The following AQP9 variants were observed in gnomAD, a reference collection of about 807,000 sequenced individuals.
The protein encoded by AQP9 is aquaporin 9.
AQP9 carries 19 observed loss-of-function variants against 23.8 expected under a neutral mutation model. The ratio of observed to expected loss-of-function variants is 0.80; its 90% confidence interval spans 0.56 to 1.17. The LOEUF (loss-of-function observed/expected upper bound fraction) is 1.17, where lower values mean the gene tolerates loss of function less well. Ranked by LOEUF, AQP9 falls within the 50% of genes most tolerant of loss-of-function variation. The pLI is 0.00. For missense variants in AQP9, 413 were observed against 362.0 expected (o/e 1.14, Z -1.14); for synonymous variants, 153 against 131.5 (o/e 1.16, Z -1.12).
intron 1 of AQP9, chr15:58,151,474 CACTA>C (rs1186898562): frequency 6.6e-6 from 1 of 152,056 alleles, no homozygotes; most frequent in Non-Finnish European, 1.5e-5. Flanking sequence ...TCTAACTTCT[CACTA>C]ACTTTCTCCT....
At chr15:58,182,608 C>T (rs550248922) in intron 5 of AQP9, among the ~76,000 whole-genome samples, 2 of 152,264 alleles carry the variant, frequency 1.3e-5, no homozygotes, top group South Asian at 2.1e-4. Context: ...GTCTTTACAG[C>T]CAAACGGGAG....
At chr15:58,144,239 C>A (rs998373172) in intron 1 of AQP9, among the ~76,000 whole-genome samples, 2 of 151,326 alleles carry the variant, frequency 1.3e-5, no homozygotes, top group Admixed American at 6.6e-5. Flanking sequence ...TTTGTGTTTT[C>A]TTATTGAGGT....
chr15:58,180,621 T>C (rs1332669003), intron 5 of AQP9, among the ~76,000 whole-genome samples: 1 of 152,186 alleles, frequency 6.6e-6, no homozygotes, highest in South Asian at 2.1e-4. Context: ...TTCCCTGTCC[T>C]CAAGAAATTG....
At chr15:58,168,127 T>G (rs1214253801) in intron 2 of AQP9, among the ~76,000 whole-genome samples, 2 of 151,720 alleles carry the variant, frequency 1.3e-5, no homozygotes, top group African/African-American at 4.8e-5. Flanking sequence ...GCTCAAACAA[T>G]TCTACCTTCT....
intron 1 of AQP9, among the ~76,000 whole-genome samples, chr15:58,149,496 A>G (rs1470877017): frequency 6.6e-6 from 1 of 152,184 alleles, no homozygotes; most frequent in African/African-American, 2.4e-5. Flanking sequence ...CTAGTTTGTA[A>G]AATGGAGACA....
Position 58,138,603 on chromosome 15 carries a change from A to G in AQP9, c.38A>G (p.Lys13Arg), listed in dbSNP as rs2140577752. 1 of 1,613,954 alleles carries G rather than the reference A, an allele frequency of 6.2e-7. No homozygotes were observed. Reference protein sequence around the residue: ...PEGAEKGKSFKQRLVLKSSLA... With the variant: ...PEGAEKGKSFRQRLVLKSSLA... ...GGAGCAGAAAAGGGAAAAAGCTTCA[A>G]GCAGAGACTGGTCTTGAAGAGCAGC... is the stretch of plus-strand genomic sequence containing the variant. The change falls in exon 1 of 6, where the codon AAG becomes AGG. Residue 13 changes from lysine (K) to arginine (R), a missense_variant. Physicochemically the swap from Lys to Arg is conservative, Grantham distance 26. Transcript: ENST00000219919.
chr15:58,169,372 G>T (rs930346492), intron 2 of AQP9, among the ~76,000 whole-genome samples: 1 of 152,170 alleles, frequency 6.6e-6, no homozygotes, highest in Non-Finnish European at 1.5e-5. Flanking sequence ...GCACAGTTCA[G>T]GCTCCCTAAG....
intron 1 of AQP9, among the ~76,000 whole-genome samples, chr15:58,145,112 A>G (rs1421423637): frequency 6.6e-5 from 10 of 151,668 alleles, no homozygotes; most frequent in African/African-American, 9.7e-5. Flanking sequence ...TTTCCATTTC[A>G]GTAATTTCTG....
Position 58,173,109 on chromosome 15 carries a change from T to C in AQP9, c.280T>C (p.Phe94Leu). The C allele has an allele frequency of 1.2e-6, 2 of 1,614,032 alleles. No individual in the cohort carries two copies. Among genetic ancestry groups the C allele is most frequent in the Admixed American group, 1.7e-5 (1 of 60,032 alleles). ...NPAVSLAMCL[F>L]GRMKWFKLPF... is the part of the protein sequence containing the mutation. ...AGCTGTGTCTTTAGCAATGTGTCTC[T>C]TTGGACGGATGAAATGGTTCAAATT... The change falls in exon 3 of 6, where the codon TTT becomes CTT. Residue 94 changes from phenylalanine to leucine, a missense_variant. Transcript: ENST00000219919.
intron 2 of AQP9, among the ~76,000 whole-genome samples, chr15:58,169,996 A>G (rs1156262385): frequency 6.6e-6 from 1 of 152,072 alleles, no homozygotes; most frequent in Non-Finnish European, 1.5e-5. Flanking sequence ...CTCACCTAAG[A>G]CTTTCATCTT....
chr15:58,181,403 A>G (rs1315706408), intron 5 of AQP9, among the ~76,000 whole-genome samples: 1 of 152,228 alleles, frequency 6.6e-6, no homozygotes, highest in Non-Finnish European at 1.5e-5. Context: ...GTGCCATTAA[A>G]GAGATTTGAC....
chr15:58,143,955 G>A (rs1384076033), intron 1 of AQP9, among the ~76,000 whole-genome samples: 2 of 152,264 alleles, frequency 1.3e-5, no homozygotes, highest in African/African-American at 2.4e-5. Flanking sequence ...TTCCAGTAGC[G>A]ACATGAGTTC....
intron 1 of AQP9, among the ~76,000 whole-genome samples, chr15:58,148,779 G>T (rs142910321): frequency 6.1e-4 from 93 of 152,320 alleles, no homozygotes; most frequent in African/African-American, 2.2e-3. Flanking sequence ...AGTAGAGATA[G>T]TGGAGTTCAA....
At position 58,173,177 on chromosome 15, in the gene AQP9, G is replaced by C. The variant is rs1386636134; in HGVS notation, c.348G>C (p.Gly116=). 3 of 1,614,086 alleles carry C rather than the reference G, an allele frequency of 1.9e-6. No homozygotes were observed. Among genetic ancestry groups the C allele is most frequent in the African/African-American group, 1.3e-5 (1 of 75,020 alleles). Residue 116 remains glycine (G), a synonymous_variant, in exon 3 of 6, where the codon GGG becomes GGC. Coordinates refer to ENST00000219919, the MANE Select transcript of AQP9 (RefSeq NM_020980.5). The part of the protein sequence containing the change: ...VGAQFLGAFV[G]AATVFGIYYD... ...CCCAGTTCTTGGGAGCCTTTGTGGG[G>C]GCTGCAACCGTCTTTGGCATTTACT... is the stretch of plus-strand genomic sequence containing the variant.
At chr15:58,154,146 A>G (rs1898201335) in intron 1 of AQP9, 1 of 152,126 alleles carries the variant, frequency 6.6e-6, no homozygotes, top group Non-Finnish European at 1.5e-5. Flanking sequence ...AGACTTTTAA[A>G]TTCTCCAATA....
At chr15:58,160,711 A>G (rs1201600143) in intron 1 of AQP9, among the ~76,000 whole-genome samples, 2 of 152,032 alleles carry the variant, frequency 1.3e-5, no homozygotes, top group Non-Finnish European at 2.9e-5. Flanking sequence ...ACAAGGTTGC[A>G]GGTATATAAT....
chr15:58,168,400 T>A (rs977100619), intron 2 of AQP9, among the ~76,000 whole-genome samples: 2 of 152,200 alleles, frequency 1.3e-5, no homozygotes, highest in Non-Finnish European at 2.9e-5. Flanking sequence ...GCAGGTTAGT[T>A]GGGCAGAGGA....
chr15:58,161,197 C>G (rs1595735742), intron 1 of AQP9, among the ~76,000 whole-genome samples: 1 of 152,160 alleles, frequency 6.6e-6, no homozygotes, highest in East Asian at 1.9e-4. Context: ...ATGGGAATGA[C>G]AGACTATGGG....
At position 58,160,321 on chromosome 15, in the gene AQP9, T is replaced by G. The variant is rs1222339336; in HGVS notation, c.112-6352T>G. 5.3e-5 allele frequency among the ~76,000 whole-genome samples: 8 copies of G among 152,268 alleles called. No homozygotes were observed. In the East Asian group the frequency reaches 1.5e-3, roughly 29 times the overall value. ...CTGAGAAATGACTACTCAGATCTTT[T>G]GCCCGCTTTAAAATCAGATTATTTG... On this transcript the variant is annotated intron_variant, in intron 1 of 5. Transcript: ENST00000219919.
Sources: allele counts gnomAD v4.1 joint callset (sites outside exome capture counted in the v4.1 genomes callset), GRCh38; gene constraint gnomAD v4.1.1; transcripts MANE v1.5; gene names NCBI Gene and HGNC (gene_info 2026-07-23, HGNC 2026-07-21).